Variants in DAAM1 observed in about 807,000 individuals in gnomAD.
DAAM1 encodes the protein dishevelled associated activator of morphogenesis 1.
DAAM1 carries 52 observed loss-of-function variants against 130.0 expected under a neutral mutation model. That is an observed-to-expected ratio of 0.40 (90% CI 0.32 to 0.50). DAAM1 has a LOEUF of 0.50. DAAM1 is among the 20% of genes least tolerant of loss of function. The pLI is 0.61. For synonymous variants in DAAM1, 452 were observed against 444.5 expected (o/e 1.02, Z -0.21); for missense variants, 1,134 against 1,303.8 (o/e 0.87, Z 2.01).
chr14:59,326,155 G>C, intron 10 of DAAM1, 78 bp downstream of exon 10: 1 of 1,359,580 alleles, frequency 7.4e-7, no homozygotes, highest in Non-Finnish European at 1.0e-6. Flanking sequence ...CCTGCACAGT[G>C]CTGATTACAT....
chr14:59,268,209 A>G (rs1360368242), intron 2 of DAAM1, among the ~76,000 whole-genome samples: 1 of 152,000 alleles, frequency 6.6e-6, no homozygotes, highest in Non-Finnish European at 1.5e-5. Context: ...CGCCTGCCAC[A>G]TTTTTTATCC....
At chr14:59,262,828 G>C (rs1476666484) in intron 1 of DAAM1, among the ~76,000 whole-genome samples, 1 of 152,104 alleles carries the variant, frequency 6.6e-6, no homozygotes, top group Non-Finnish European at 1.5e-5. Context: ...AACATTTATG[G>C]AGTGCCTTCT....
rs549377986 is a variant in DAAM1, at chr14:59,335,628, T to G, written c.1968+3708T>G. 1.5e-4 allele frequency among the ~76,000 whole-genome samples: 23 copies of G among 152,256 alleles called. 1 individual carries two copies. In the South Asian group the frequency reaches 2.9e-3, roughly 19 times the overall value. On this transcript the variant is annotated intron_variant, in intron 15 of 24. Coordinates refer to ENST00000360909, the MANE Select transcript of DAAM1 (RefSeq NM_001270520.2). ...GAGTCATATCTCTGTAGCAACAAAT[T>G]CACAGTTCACTATCTCTTCCTTCCC... is the stretch of plus-strand genomic sequence containing the variant.
intron 6 of DAAM1, 97 bp from the exon 7 acceptor site, chr14:59,324,031 G>GAA (rs780472385): frequency 2.3e-3 from 1,505 of 641,306 alleles, no homozygotes; most frequent in Middle Eastern, 2.8e-3. Context: ...GACTCCGTCT[G>GAA]AAAAAAAAAA....
At chr14:59,192,782 G>A (rs765346816) in intron 1 of DAAM1, among the ~76,000 whole-genome samples, 6 of 152,188 alleles carry the variant, frequency 3.9e-5, no homozygotes, top group Non-Finnish European at 5.9e-5. Flanking sequence ...GGCCGGGCGC[G>A]GTGGCTCAAG....
intron 1 of DAAM1, among the ~76,000 whole-genome samples, chr14:59,262,652 TAG>T (rs1491331835): frequency 8.6e-6 from 1 of 116,476 alleles, no homozygotes; most frequent in South Asian, 3.0e-4. Context: ...AATATTCTAT[TAG>T]TGTGTGTGTG....
At chr14:59,290,921 G>A (rs995755503) in intron 2 of DAAM1, among the ~76,000 whole-genome samples, 9 of 152,196 alleles carry the variant, frequency 5.9e-5, no homozygotes, top group African/African-American at 2.2e-4. Flanking sequence ...ATACTCAGCA[G>A]TAGACAGTAG....
chr14:59,241,675 T>G (rs1393727670), intron 1 of DAAM1, among the ~76,000 whole-genome samples: 1 of 152,224 alleles, frequency 6.6e-6, no homozygotes, highest in Non-Finnish European at 1.5e-5. Flanking sequence ...AGGAAGAGCT[T>G]CCCTGTGTCT....
chr14:59,366,445 A>G (rs572496820), intron 23 of DAAM1, among the ~76,000 whole-genome samples: 1 of 152,274 alleles, frequency 6.6e-6, no homozygotes, highest in Non-Finnish European at 1.5e-5. Context: ...TGCTTTCTAT[A>G]TTGACCATAT....
chr14:59,240,567 C>G (rs558695499), intron 1 of DAAM1, among the ~76,000 whole-genome samples: 14 of 152,322 alleles, frequency 9.2e-5, no homozygotes, highest in African/African-American at 3.4e-4. Context: ...CTCCCCATCT[C>G]CCTTGTCCCA....
At chr14:59,303,863 G>A (rs1884275615) in intron 3 of DAAM1, among the ~76,000 whole-genome samples, 1 of 152,090 alleles carries the variant, frequency 6.6e-6, no homozygotes, top group Non-Finnish European at 1.5e-5. Flanking sequence ...TTGCACGACT[G>A]TACTTCAGCC....
intron 2 of DAAM1, among the ~76,000 whole-genome samples, chr14:59,288,054 G>A (rs1192331584): frequency 6.6e-5 from 10 of 152,090 alleles, no homozygotes; most frequent in Admixed American, 6.6e-4. Flanking sequence ...AAACATCATG[G>A]TACTGGTATA....
At chr14:59,284,793 A>G (rs1169431546) in intron 2 of DAAM1, among the ~76,000 whole-genome samples, 2 of 152,164 alleles carry the variant, frequency 1.3e-5, no homozygotes, top group East Asian at 3.8e-4. Context: ...GTAAAAAAAG[A>G]ATGAAACTTC....
intron 19 of DAAM1, 98 bp downstream of exon 19, chr14:59,354,062 A>ATTTT: frequency 1.1e-6 from 1 of 884,020 alleles, no homozygotes; most frequent in Non-Finnish European, 1.6e-6. Context: ...CCCCTTGGTG[A>ATTTT]TTTTTTTTTT....
At position 59,359,438 on chromosome 14, in the gene DAAM1, A is replaced by C; in HGVS notation, c.2567A>C (p.Asn856Thr). Residue 856 changes from asparagine (N) to threonine (T), a missense_variant, in exon 21 of 25, where the codon AAT becomes ACT. By Grantham distance (65) the Asn-to-Thr change is moderately conservative. Around this residue, in one of 3 missense-constraint regions of DAAM1, gnomAD observed 644 missense variants for 695.9 expected, o/e 0.93. Coordinates refer to ENST00000360909, the MANE Select transcript of DAAM1 (RefSeq NM_001270520.2). ...CACTATCTCATCACTATTGTGGAAA[A>C]TAAGTACCCCAGTGTTCTCAATCTA... is the stretch of plus-strand genomic sequence containing the variant. ...LLHYLITIVE[N>T]KYPSVLNLNE... The C allele has an allele frequency of 6.2e-7, 1 of 1,613,956 alleles. No homozygotes were observed.
chr14:59,302,516 C>T (rs1406851892), intron 3 of DAAM1, among the ~76,000 whole-genome samples: 3 of 152,108 alleles, frequency 2.0e-5, no homozygotes, highest in Non-Finnish European at 4.4e-5. Flanking sequence ...TGGTGCTGCA[C>T]CATGGGAAGA....
chr14:59,196,285 G>A (rs1248312212), intron 1 of DAAM1, among the ~76,000 whole-genome samples: 1 of 152,180 alleles, frequency 6.6e-6, no homozygotes, highest in Non-Finnish European at 1.5e-5. Context: ...CACCAGATGA[G>A]ATAGATTGTT....
chr14:59,198,341 G>C (rs994275124), intron 1 of DAAM1, among the ~76,000 whole-genome samples: 1 of 151,878 alleles, frequency 6.6e-6, no homozygotes, highest in Non-Finnish European at 1.5e-5. Context: ...AAGTAGCTGG[G>C]ATTACAGGTA....
chr14:59,228,195 C>T (rs770521891), intron 1 of DAAM1, among the ~76,000 whole-genome samples: 8 of 151,910 alleles, frequency 5.3e-5, no homozygotes, highest in Admixed American at 1.3e-4. Flanking sequence ...AAAATGTAAT[C>T]ACAGTGTCAA....
Sources: allele counts gnomAD v4.1 joint callset (sites outside exome capture counted in the v4.1 genomes callset), GRCh38; gene constraint gnomAD v4.1.1; regional missense constraint gnomAD v4.1.1; transcripts MANE v1.5; gene names NCBI Gene and HGNC (gene_info 2026-07-23, HGNC 2026-07-21).